Variants in NTN1 observed in about 807,000 individuals in gnomAD.
NTN1 encodes netrin 1, also known as netrin-1.
A neutral mutation model predicts 54.2 loss-of-function variants in NTN1; 11 were observed. That is an observed-to-expected ratio of 0.20 (90% CI 0.13 to 0.34). The LOEUF is 0.34. Ranked by LOEUF, NTN1 falls within the 10% of genes least tolerant of loss-of-function variation. The probability of loss-of-function intolerance (pLI) is 1.00; values close to 1 mark genes in which losing one functional copy is unlikely to be tolerated. For missense variants in NTN1, 740 were observed against 893.1 expected, an observed-to-expected ratio of 0.83 and a Z score of 2.18; for synonymous variants, 371 against 382.0, an observed-to-expected ratio of 0.97 and a Z score of 0.33.
chr17:9,058,671 A>T (rs890981651), intron 2 of NTN1, among the ~76,000 whole-genome samples: 2 of 151,342 alleles, frequency 1.3e-5, no homozygotes, highest in African/African-American at 4.8e-5. Flanking sequence ...AAAAGAAAAG[A>T]AAAAAGAAAA....
At chr17:9,193,933 A>AAAAACAAAACAAACAAAC (rs1555574983) in intron 5 of NTN1, among the ~76,000 whole-genome samples, 10 of 140,090 alleles carry the variant, frequency 7.1e-5, no homozygotes, top group African/African-American at 2.1e-4. Context: ...AAAAAAAAAA[A>AAAAACAAAACAAACAAAC]AAAAAAAAAA....
intron 2 of NTN1, 107 bp downstream of exon 2, chr17:9,023,498 G>C (rs1307300123): frequency 4.7e-6 from 6 of 1,267,330 alleles, no homozygotes; most frequent in South Asian, 4.6e-5. Context: ...GGAACGGCGG[G>C]AGGCGCGTTC....
chr17:9,051,973 T>C (rs2091961923), intron 2 of NTN1, among the ~76,000 whole-genome samples: 1 of 152,130 alleles, frequency 6.6e-6, no homozygotes, highest in African/African-American at 2.4e-5. Context: ...GTTTTTTTTT[T>C]TTGTATTTTG....
chr17:9,214,494 A>G (rs1012596434), intron 5 of NTN1, among the ~76,000 whole-genome samples: 4 of 152,138 alleles, frequency 2.6e-5, no homozygotes, highest in Non-Finnish European at 5.9e-5. Flanking sequence ...TTGCTGATAC[A>G]TCTTTGCTAC....
intron 2 of NTN1, among the ~76,000 whole-genome samples, chr17:9,131,242 C>G (rs1206928386): frequency 6.6e-6 from 1 of 152,208 alleles, no homozygotes; most frequent in East Asian, 1.9e-4. Context: ...TTTTCCAACA[C>G]TCAGCATACC....
chr17:9,011,459 A>C, the NTN1 span, among the ~76,000 whole-genome samples: 1 of 152,202 alleles, frequency 6.6e-6, no homozygotes, highest in African/African-American at 2.4e-5. Flanking sequence ...CTATGATTAC[A>C]TTTAGAGTCC....
chr17:9,084,876 C>A (rs1344361968), intron 2 of NTN1, among the ~76,000 whole-genome samples: 2 of 152,014 alleles, frequency 1.3e-5, no homozygotes, highest in African/African-American at 4.8e-5. Flanking sequence ...TGGTCTCGAT[C>A]TCCTGACCTC....
Position 9,026,520 on chromosome 17 carries a change from A to G in NTN1, c.1018+3129A>G, listed in dbSNP as rs144943774. Among the ~76,000 whole-genome samples, 482 of 152,268 alleles carry G rather than the reference A, an allele frequency of 3.2e-3. 2 individuals carry two copies. Among genetic ancestry groups the G allele is most frequent in the African/African-American group, 0.011 (463 of 41,544 alleles). On this transcript the variant is annotated intron_variant, in intron 2 of 6. Transcript: ENST00000173229. ...GCCCATATGTATCAGCAGTGTTCAC[A>G]TGCTTTTATACACATGTGCATTCAC...
At chr17:9,005,114 C>G in the NTN1 span, among the ~76,000 whole-genome samples, 23,876 of 152,136 alleles carry the variant, frequency 0.16, 2,182 homozygotes, top group Non-Finnish European at 0.21. Context: ...GCACCTCCCC[C>G]GCATCTCTCC....
chr17:9,094,102 A>G (rs186728037), intron 2 of NTN1, among the ~76,000 whole-genome samples: 1 of 152,346 alleles, frequency 6.6e-6, no homozygotes, highest in African/African-American at 2.4e-5. Context: ...AATGCATACA[A>G]ACATTCAGTT....
chr17:9,185,533 A>G lies in NTN1; in HGVS notation c.1411+2564A>G, dbSNP rs573191803. ...CTCAGGGAATGTTCTTTACCTGCTC[A>G]CAAAGCTAGCTGGTAAGCCGTCATG... On this transcript the variant is annotated intron_variant, in intron 5 of 6. Coordinates refer to ENST00000173229, the MANE Select transcript of NTN1 (RefSeq NM_004822.3). Among the ~76,000 whole-genome samples, 67 of 152,162 alleles carry G rather than the reference A, an allele frequency of 4.4e-4. No individual in the cohort carries two copies. The Middle Eastern group carries it at 0.01, about 23-fold the overall frequency.
upstream of NTN1, among the ~76,000 whole-genome samples, chr17:9,017,101 T>C (rs575213180): frequency 3.3e-5 from 5 of 152,254 alleles, no homozygotes; most frequent in East Asian, 9.6e-4. Context: ...GTCTTCCACC[T>C]CTCTCCTCCT....
chr17:9,087,000 G>A (rs1432255369), intron 2 of NTN1, among the ~76,000 whole-genome samples: 1 of 152,170 alleles, frequency 6.6e-6, no homozygotes, highest in East Asian at 1.9e-4. Context: ...ACCATGCAAA[G>A]CTCTTTGCAC....
intron 2 of NTN1, among the ~76,000 whole-genome samples, chr17:9,097,582 G>A (rs961265080): frequency 2.6e-5 from 4 of 152,094 alleles, no homozygotes; most frequent in Admixed American, 1.3e-4. Flanking sequence ...CCAAGATCAT[G>A]CCACTGTACT....
chr17:9,067,011 A>G (rs1453299677), intron 2 of NTN1, among the ~76,000 whole-genome samples: 2 of 150,360 alleles, frequency 1.3e-5, no homozygotes, highest in Non-Finnish European at 3.0e-5. Flanking sequence ...AAAAAAAAAA[A>G]AAAAGGCACA....
At chr17:9,146,873 G>A (rs574064737) in intron 2 of NTN1, among the ~76,000 whole-genome samples, 25 of 152,304 alleles carry the variant, frequency 1.6e-4, no homozygotes, top group African/African-American at 6.0e-4. Flanking sequence ...ATATGTGGAG[G>A]AGATGTCCAA....
chr17:9,106,860 AT>A (rs1231393908), intron 2 of NTN1, among the ~76,000 whole-genome samples: 1 of 7,452 alleles, frequency 1.3e-4, no homozygotes, highest in East Asian at 0.12. Context: ...CGCCGTCACC[AT>A]CATCATCATC....
chr17:9,156,456 G>A (rs542307195), intron 2 of NTN1, among the ~76,000 whole-genome samples: 17 of 152,242 alleles, frequency 1.1e-4, no homozygotes, highest in African/African-American at 3.4e-4. Context: ...AAGTCTGGGG[G>A]AGCCAGGACC....
intron 2 of NTN1, among the ~76,000 whole-genome samples, chr17:9,075,833 A>G (rs996507989): frequency 1.3e-5 from 2 of 152,236 alleles, no homozygotes; most frequent in South Asian, 2.1e-4. Context: ...CAGGGGGAAA[A>G]TACCCCGCCT....
Sources: allele counts gnomAD v4.1 joint callset (sites outside exome capture counted in the v4.1 genomes callset), GRCh38; gene constraint gnomAD v4.1.1; transcripts MANE v1.5; gene names NCBI Gene and HGNC (gene_info 2026-07-23, HGNC 2026-07-21).